The following GNAS variants were observed in gnomAD, a reference collection of about 807,000 sequenced individuals.
GNAS encodes the protein GNAS complex locus.
Under a neutral mutation model 54.5 loss-of-function variants are expected in GNAS, and 8 were observed. The observed-to-expected ratio is 0.15, with a 90% CI of 0.09 to 0.26. The LOEUF is 0.26. Ranked by LOEUF, GNAS falls within the 10% of genes least tolerant of loss-of-function variation. The probability of loss-of-function intolerance (pLI) is 1.00; values close to 1 mark genes in which losing one functional copy is unlikely to be tolerated. For synonymous variants in GNAS, 204 were observed against 191.4 expected (o/e 1.07, Z -0.54); for missense variants, 170 against 529.8 (o/e 0.32, Z 6.67).
chr20:58,845,466 T>A (rs1487256061), intron 1 of GNAS, among the ~76,000 whole-genome samples: 4 of 152,204 alleles, frequency 2.6e-5, no homozygotes, highest in African/African-American at 9.7e-5. Flanking sequence ...CTAAGACTTG[T>A]TTGCGCACCG....
intron 1 of GNAS, chr20:58,895,054 GGAA>G: frequency 5.8e-6 from 1 of 172,158 alleles, no homozygotes; most frequent in Admixed American, 5.7e-5. Context: ...CCAAGGGGTA[GGAA>G]ACCTGCACAG....
chr20:58,880,713 T>G (rs770161144), intron 1 of GNAS, among the ~76,000 whole-genome samples: 1 of 152,244 alleles, frequency 6.6e-6, no homozygotes, highest in Non-Finnish European at 1.5e-5. Context: ...CATTTGCATA[T>G]TTGCTGTTTT....
upstream of GNAS, chr20:58,840,386 G>A (rs773416371): frequency 1.2e-6 from 2 of 1,613,508 alleles, no homozygotes; most frequent in Non-Finnish European, 1.7e-6. The surrounding 1 kb of genome is among the most constrained non-coding windows in gnomAD (Gnocchi z 6.0). Context: ...GGCAGACCTT[G>A]AGCTGTCCCT....
Position 58,895,690 on chromosome 20 carries a change from T to A in GNAS, c.212+6T>A. On this transcript the variant is annotated splice_donor_region_variant and intron_variant, in intron 2 of 12. Transcript: ENST00000371085. The stretch of plus-strand genomic sequence containing the variant: ...GTTAATGGGTTTAATGGAGAGTAAG[T>A]GTCAAATCTGTGCAGGGGGGCACCA... 1 of 1,507,030 alleles carries A rather than the reference T, an allele frequency of 6.6e-7. No homozygotes were observed. The highest frequency in any genetic ancestry group is 1.4e-5 in the African/African-American group (1 of 73,058). 93.4% of individuals were successfully genotyped at this position (1,507,030 alleles called of 1,614,324 possible).
Position 58,853,299 on chromosome 20 carries a change from A to G in GNAS, c.43+12413A>G, listed in dbSNP as rs1449282556. ...GCGCAACTGCCTCTACGGCAATAAT[A>G]TGTCAGGACAACGCGATATCCCCCC... On this transcript the variant is annotated intron_variant, in intron 1 of 12. Transcript: ENST00000306090. This position sits in a 1 kb window ranked among gnomAD's most constrained non-coding sequence, Gnocchi z 4.4. 2.3e-5 allele frequency: 35 copies of G among 1,550,084 alleles called. No homozygotes were observed. Among genetic ancestry groups the G allele is most frequent in the Non-Finnish European group, 2.7e-5 (31 of 1,146,610 alleles).
chr20:58,890,197 TGAA>T (rs369104721), upstream of GNAS, among the ~76,000 whole-genome samples: 2,865 of 151,102 alleles, frequency 0.019, 63 homozygotes, highest in African/African-American at 0.052. Flanking sequence ...GAGAAGATGC[TGAA>T]GAAGAAGAAG....
At chr20:58,898,703 GCT>G (rs1375283642) in intron 2 of GNAS, 1 of 601,846 alleles carries the variant, frequency 1.7e-6, no homozygotes, top group Non-Finnish European at 3.0e-6. Flanking sequence ...TCTCCAGAGA[GCT>G]CTGTTAATAC....
intron 1 of GNAS, among the ~76,000 whole-genome samples, chr20:58,868,654 G>A (rs974486940): frequency 6.6e-6 from 1 of 152,186 alleles, no homozygotes; most frequent in East Asian, 1.9e-4. Flanking sequence ...AATCCAGAAA[G>A]GGGAGAACGG....
chr20:58,854,853 C>T (rs768387351), intron 1 of GNAS: 2 of 1,595,780 alleles, frequency 1.3e-6, no homozygotes, highest in Non-Finnish European at 1.7e-6. Context: ...CCATCTCAGA[C>T]CCCCCAGCCC....
intron 1 of GNAS, among the ~76,000 whole-genome samples, chr20:58,878,842 G>A (rs1308780098): frequency 2.6e-5 from 4 of 151,226 alleles, no homozygotes; most frequent in African/African-American, 4.9e-5. Flanking sequence ...TTATGACCGC[G>A]TGGCTGCTTA....
chr20:58,896,380 T>C (rs1285683489), intron 2 of GNAS, among the ~76,000 whole-genome samples: 1 of 152,076 alleles, frequency 6.6e-6, no homozygotes, highest in African/African-American at 2.4e-5. Context: ...CCAGCCTCAC[T>C]GAGGGGCATT....
intron 3 of GNAS, among the ~76,000 whole-genome samples, chr20:58,902,725 C>CTTTTTTTTTTTTTTTTTTTTT (rs60022134): frequency 7.2e-5 from 5 of 69,510 alleles, no homozygotes; most frequent in African/African-American, 2.7e-4. Context: ...GCACATACGA[C>CTTTTTTTTTTTTTTTTTTTTT]TTTTTTTTTT....
chr20:58,889,162 T>A, upstream of GNAS: 3 of 1,213,642 alleles, frequency 2.5e-6, no homozygotes, highest in Non-Finnish European at 3.2e-6. Context: ...GAAGCTCTGC[T>A]CCCCGGCGGG....
intron 1 of GNAS, among the ~76,000 whole-genome samples, chr20:58,852,030 C>G (rs1054699191): frequency 6.6e-6 from 1 of 152,176 alleles, no homozygotes; most frequent in Non-Finnish European, 1.5e-5. Context: ...TAACCCTTCC[C>G]TAGAACAGCA....
At chr20:58,846,995 C>T (rs1449714984) in intron 1 of GNAS, among the ~76,000 whole-genome samples, 1 of 152,138 alleles carries the variant, frequency 6.6e-6, no homozygotes. Flanking sequence ...CTGGAATGGC[C>T]TCTCCTCCCC....
At position 58,853,809 on chromosome 20, in the gene GNAS, C is replaced by G. The variant is rs1346915052; in HGVS notation, c.43+12923C>G. 6.2e-7 allele frequency: 1 copy of G among 1,606,448 alleles called. No homozygotes were observed. The highest frequency in any genetic ancestry group is 1.1e-5 in the South Asian group (1 of 89,902). On this transcript the variant is annotated intron_variant, in intron 1 of 12. Transcript: ENST00000306090. This position sits in a 1 kb window ranked among gnomAD's most constrained non-coding sequence, Gnocchi z 4.4. ...CTGCAGTCAACTTCTCTTACAGGTC[C>G]CAGACCTTGCTCCAGGAGGCCCAGG...
Position 58,853,828 on chromosome 20 carries a change from G to T in GNAS, c.43+12942G>T. 1 of 1,600,514 alleles carries T rather than the reference G, an allele frequency of 6.2e-7. No individual in the cohort carries two copies. Among genetic ancestry groups the T allele is most frequent in the Non-Finnish European group, 8.5e-7 (1 of 1,173,978 alleles). ...CAGGTCCCAGACCTTGCTCCAGGAG[G>T]CCCAGGTGCTGCAGGGGTCCCCGGA... On this transcript the variant is annotated intron_variant, in intron 1 of 12. Transcript: ENST00000306090. The surrounding 1 kb of genome is among the most constrained non-coding windows in gnomAD (Gnocchi z 4.4).
chr20:58,840,637 C>G (rs756503903), upstream of GNAS: 4 of 1,606,080 alleles, frequency 2.5e-6, no homozygotes, highest in Non-Finnish European at 3.4e-6. The surrounding 1 kb of genome is among the most constrained non-coding windows in gnomAD (Gnocchi z 6.0). Context: ...CCCCAAGTCG[C>G]GCGCCGCCCA....
intron 3 of GNAS, chr20:58,900,377 G>A (rs748028976): frequency 1.4e-5 from 3 of 221,060 alleles, no homozygotes; most frequent in East Asian, 6.9e-5. Context: ...ATTAACATTC[G>A]TGATAAATAA....
Sources: gnomAD v4.1 joint callset for allele counts (sites outside exome capture counted in the v4.1 genomes callset) on GRCh38, gnomAD v4.1.1 for gene constraint, Gnocchi (gnomAD v3.1) non-coding constraint, MANE v1.5 for transcripts, NCBI Gene and HGNC (gene_info 2026-07-23, HGNC 2026-07-21) for gene names.